The following MMS22L variants were observed in gnomAD, a reference collection of about 807,000 sequenced individuals.
The protein encoded by MMS22L is MMS22 like, DNA repair protein.
A neutral mutation model predicts 159.1 loss-of-function variants in MMS22L; 74 were observed. The ratio of observed to expected loss-of-function variants is 0.47; its 90% CI spans 0.39 to 0.56. The LOEUF (loss-of-function observed/expected upper bound fraction) is 0.56, where lower values mean the gene tolerates loss of function less well. Among genes scored for constraint, MMS22L ranks in the 20% least tolerant of loss-of-function variants. MMS22L has a pLI of 0.00. For synonymous variants in MMS22L, 517 were observed against 506.9 expected (o/e 1.02, Z -0.27); for missense variants, 1,351 against 1,422.1 (o/e 0.95, Z 0.80).
At chr6:97,239,848 G>A (rs1353070427) in intron 11 of MMS22L, among the ~76,000 whole-genome samples, 1 of 152,194 alleles carries the variant, frequency 6.6e-6, no homozygotes, top group Non-Finnish European at 1.5e-5. Context: ...CAAGGTTATA[G>A]TGAGCTATAA....
At position 97,276,140 on chromosome 6, in the gene MMS22L, C is replaced by T. The variant is rs926863454; in HGVS notation, c.340+2709G>A. Among the ~76,000 whole-genome samples the T allele has an allele frequency of 3.3e-5, 5 of 152,274 alleles. No individual in the cohort carries two copies. In the South Asian group the frequency reaches 8.3e-4, roughly 25 times the overall value. ...TAGAACAAGAACTATACTCATCTGG[C>T]AGTAAGTAACTACATAGGGACTTCT... On this transcript the variant is annotated intron_variant, in intron 4 of 24. Coordinates refer to ENST00000683635, the MANE Select transcript of MMS22L (RefSeq NM_001350599.2).
intron 4 of MMS22L, among the ~76,000 whole-genome samples, chr6:97,276,422 A>G (rs1025211591): frequency 2.7e-5 from 4 of 146,698 alleles, no homozygotes; most frequent in Non-Finnish European, 4.5e-5. Context: ...CATGAACCCA[A>G]TTTACTTAAG....
chr6:97,215,116 T>A (rs9400675), intron 14 of MMS22L, among the ~76,000 whole-genome samples: 11,664 of 131,630 alleles, frequency 0.089, 517 homozygotes, highest in East Asian at 0.21. Flanking sequence ...ATATATATAT[T>A]TTTTTTTTGC....
At chr6:97,202,839 T>C (rs1038735916) in intron 14 of MMS22L, among the ~76,000 whole-genome samples, 40 of 152,212 alleles carry the variant, frequency 2.6e-4, no homozygotes, top group Admixed American at 3.3e-4. Flanking sequence ...ATCTTTATAA[T>C]ACTCTTAATC....
At chr6:97,194,553 T>C (rs1037601002) in intron 14 of MMS22L, among the ~76,000 whole-genome samples, 19 of 152,224 alleles carry the variant, frequency 1.2e-4, no homozygotes, top group Admixed American at 1.1e-3. Context: ...TTCTGATCAA[T>C]AATTATTTCA....
At position 97,156,171 on chromosome 6, in the gene MMS22L, C is replaced by G. The variant is rs571147663; in HGVS notation, c.3386-4304G>C. 1.3e-4 allele frequency among the ~76,000 whole-genome samples: 20 copies of G among 151,954 alleles called. No individual in the cohort carries two copies. The East Asian group carries it at 2.7e-3, about 21-fold the overall frequency. ...TTCATATCCTTCGCCCATTTTTTGA[C>G]GGGGTTGTTTGTTTCTTGTAAATTT... On this transcript the variant is annotated intron_variant, in intron 22 of 24. Coordinates refer to ENST00000683635, the MANE Select transcript of MMS22L (RefSeq NM_001350599.2).
chr6:97,238,520 C>T (rs779485210), intron 11 of MMS22L, among the ~76,000 whole-genome samples: 1 of 151,442 alleles, frequency 6.6e-6, no homozygotes, highest in Non-Finnish European at 1.5e-5. Context: ...AGGAGTACTA[C>T]GCATCTCCCA....
chr6:97,252,419 C>T (rs1006032269), intron 10 of MMS22L, among the ~76,000 whole-genome samples: 6 of 150,120 alleles, frequency 4.0e-5, no homozygotes, highest in African/African-American at 1.2e-4. Flanking sequence ...CTGAGGTAGG[C>T]AGATTAACCG....
intron 22 of MMS22L, among the ~76,000 whole-genome samples, chr6:97,159,958 T>G (rs886346328): frequency 6.7e-6 from 1 of 148,760 alleles, no homozygotes; most frequent in Non-Finnish European, 1.5e-5. Flanking sequence ...GTTTTTTTTT[T>G]TTTTTTTTTT....
At chr6:97,245,795 T>C (rs1407693335) in intron 11 of MMS22L, among the ~76,000 whole-genome samples, 1 of 149,892 alleles carries the variant, frequency 6.7e-6, no homozygotes, top group Non-Finnish European at 1.5e-5. Context: ...ATGCAGATAA[T>C]GGGTAAAAGA....
Position 97,272,989 on chromosome 6 carries a change from T to C in MMS22L, c.414A>G (p.Lys138=). Residue 138 remains lysine, a synonymous_variant, in exon 5 of 25, where the codon AAA becomes AAG. Transcript: ENST00000683635. The part of the protein sequence containing the change: ...QQCVLFLHYV[K]VFIFRYLKVQ... The stretch of plus-strand genomic sequence containing the variant: ...TGATATCCTACCTGAAGATGAAAAC[T>C]TTAACATAATGGAGAAATAGTACAC... 1 of 1,612,838 alleles carries C rather than the reference T, an allele frequency of 6.2e-7. No individual in the cohort carries two copies. The highest frequency in any genetic ancestry group is 1.7e-4 in the Middle Eastern group (1 of 6,044).
intron 15 of MMS22L, among the ~76,000 whole-genome samples, chr6:97,185,412 C>T (rs943719216): frequency 4.6e-5 from 7 of 152,084 alleles, no homozygotes; most frequent in African/African-American, 1.2e-4. Context: ...ATTTTGCTTT[C>T]TATTTATATA....
chr6:97,281,337 G>A lies in MMS22L; in HGVS notation c.190C>T (p.Pro64Ser). ...AAGGTATCTTCTTCAAAATTAGTTGGTAAAGGGTCAAGATTCAAAATCAAT... is the reference window on the plus strand; with the variant it reads ...AAGGTATCTTCTTCAAAATTAGTTGATAAAGGGTCAAGATTCAAAATCAAT... Reference protein sequence around the residue: ...KRLILNLDPLPTNFEEDTLEI... With the variant: ...KRLILNLDPLSTNFEEDTLEI... The change falls in exon 3 of 25, where the codon CCA becomes TCA. Residue 64 changes from proline (P) to serine (S), a missense_variant. Coordinates refer to ENST00000683635, the MANE Select transcript of MMS22L (RefSeq NM_001350599.2). The A allele has an allele frequency of 6.2e-7, 1 of 1,605,330 alleles. No individual in the cohort carries two copies. The highest frequency in any genetic ancestry group is 8.5e-7 in the Non-Finnish European group (1 of 1,176,660).
rs571889213 is a variant in MMS22L, at chr6:97,208,432, C to T, written c.2039+20462G>A. Among the ~76,000 whole-genome samples, 74 of 152,058 alleles carry T rather than the reference C, an allele frequency of 4.9e-4. 1 individual carries two copies. Among genetic ancestry groups the T allele is most frequent in the African/African-American group, 1.7e-3 (72 of 41,484 alleles). ...TATAATTATGAATAAGACAAATTCC[C>T]GGCCCTCAATAAGTATCAGTCTAGT... is the stretch of plus-strand genomic sequence containing the variant. On this transcript the variant is annotated intron_variant, in intron 14 of 24. Coordinates refer to ENST00000683635, the MANE Select transcript of MMS22L (RefSeq NM_001350599.2).
rs1462085912 is a variant in MMS22L, at chr6:97,204,531, C to T, written c.2040-17841G>A. ...CTAGGGCTGGCCACAGTGGCTCATG[C>T]TTGTAATCCCAACACTTTGGGAGGC... On this transcript the variant is annotated intron_variant, in intron 14 of 24. Transcript: ENST00000683635. 2.0e-5 allele frequency among the ~76,000 whole-genome samples: 3 copies of T among 152,164 alleles called. No homozygotes were observed. In the East Asian group the frequency reaches 5.8e-4, roughly 29 times the overall value.
At chr6:97,215,985 T>C (rs1309528942) in intron 14 of MMS22L, among the ~76,000 whole-genome samples, 1 of 152,148 alleles carries the variant, frequency 6.6e-6, no homozygotes, top group Non-Finnish European at 1.5e-5. Context: ...GAAGAAACAA[T>C]TGAAATTAAG....
chr6:97,190,370 G>C (rs2128285785), intron 14 of MMS22L, among the ~76,000 whole-genome samples: 1 of 152,192 alleles, frequency 6.6e-6, no homozygotes, highest in South Asian at 2.1e-4. Flanking sequence ...CAAGGATGTA[G>C]GATCTCCCAA....
At chr6:97,207,020 T>C (rs1807862526) in intron 14 of MMS22L, among the ~76,000 whole-genome samples, 1 of 152,156 alleles carries the variant, frequency 6.6e-6, no homozygotes, top group South Asian at 2.1e-4. Context: ...TCATATAATA[T>C]CTTTAAAATT....
chr6:97,226,280 A>G (rs1356960528), intron 14 of MMS22L, among the ~76,000 whole-genome samples: 1 of 152,162 alleles, frequency 6.6e-6, no homozygotes. Flanking sequence ...AATTTGCAAA[A>G]CAAAGATCAT....
Sources: gnomAD v4.1 joint callset for allele counts (sites outside exome capture counted in the v4.1 genomes callset) on GRCh38, gnomAD v4.1.1 for gene constraint, MANE v1.5 for transcripts, NCBI Gene and HGNC (gene_info 2026-07-23, HGNC 2026-07-21) for gene names.